COBLL1: variants seen among roughly 807,000 people sequenced by gnomAD.
COBLL1 encodes the protein cordon-bleu protein-like 1.
A neutral mutation model predicts 94.8 loss-of-function variants in COBLL1; 50 were observed. The observed-to-expected ratio is 0.53, with a 90% confidence interval of 0.42 to 0.67. The LOEUF is 0.67. Ranked by LOEUF, COBLL1 falls within the 30% of genes least tolerant of loss-of-function variation. The pLI, the probability that COBLL1 is intolerant of heterozygous loss-of-function variation, is 0.00. For synonymous variants in COBLL1, 448 were observed against 473.8 expected, an observed-to-expected ratio of 0.95 and a Z score of 0.71; for missense variants, 1,362 against 1,348.7, an observed-to-expected ratio of 1.01 and a Z score of -0.15.
At chr2:164,815,657 T>C (rs1467600348) in intron 2 of COBLL1, among the ~76,000 whole-genome samples, 1 of 152,132 alleles carries the variant, frequency 6.6e-6, no homozygotes, top group Non-Finnish European at 1.5e-5. Context: ...ATTAAGAATA[T>C]CAATAAATCA....
chr2:164,755,395 C>T (rs2105598883), intron 2 of COBLL1, among the ~76,000 whole-genome samples: 1 of 152,238 alleles, frequency 6.6e-6, no homozygotes, highest in African/African-American at 2.4e-5. Flanking sequence ...TTGATTAGTA[C>T]ATTACCTTCT....
At chr2:164,836,339 C>A (rs1204932234) in intron 2 of COBLL1, among the ~76,000 whole-genome samples, 1 of 152,070 alleles carries the variant, frequency 6.6e-6, no homozygotes, top group African/African-American at 2.4e-5. Context: ...AAATGCTAGA[C>A]ATTTTATATG....
Position 164,722,266 on chromosome 2 carries a change from T to C in COBLL1, c.805A>G (p.Thr269Ala). The change falls in exon 7 of 14, where the codon ACT becomes GCT. Residue 269 changes from threonine to alanine, a missense_variant. Thr to Ala is a moderately conservative substitution (Grantham distance 58, BLOSUM62 0). Coordinates refer to ENST00000652658, the MANE Select transcript of COBLL1 (RefSeq NM_001365672.2). Reference protein sequence around the residue: ...ATPLVNKHRPTFTRSNTISKP... With the variant: ...ATPLVNKHRPAFTRSNTISKP... ...GAAATGGTATTGGACCTTGTAAAAG[T>C]TGGGCGGTGCTTATTTACTAGAGGG... 3 of 1,614,026 alleles carry C rather than the reference T, an allele frequency of 1.9e-6. No individual in the cohort carries two copies. The highest frequency in any genetic ancestry group is 1.7e-4 in the Middle Eastern group (1 of 6,060).
chr2:164,713,355 G>A (rs867959106), intron 7 of COBLL1, among the ~76,000 whole-genome samples: 1 of 151,480 alleles, frequency 6.6e-6, no homozygotes, highest in African/African-American at 2.4e-5. Flanking sequence ...GCAGTACCAG[G>A]GCCTGGAGCT....
intron 2 of COBLL1, among the ~76,000 whole-genome samples, chr2:164,789,020 AACACACACACAC>A (rs56773751): frequency 0.3 from 42,375 of 141,534 alleles, 7,396 homozygotes; most frequent in African/African-American, 0.49. Context: ...TAGAGGTTTA[AACACACACACAC>A]ACACACACAC....
chr2:164,737,699 G>C (rs1686380984), intron 3 of COBLL1, among the ~76,000 whole-genome samples: 1 of 152,034 alleles, frequency 6.6e-6, no homozygotes, highest in Non-Finnish European at 1.5e-5. Flanking sequence ...AATTTTTCTA[G>C]ATCCATACTG....
At chr2:164,712,447 C>A (rs3820982) in intron 7 of COBLL1, among the ~76,000 whole-genome samples, 95,746 of 151,868 alleles carry the variant, frequency 0.63, 31,580 homozygotes, top group African/African-American at 0.84. Flanking sequence ...TTTCAAGGGA[C>A]AGACTCACAT....
At chr2:164,710,001 T>C (rs1684801270) in intron 7 of COBLL1, among the ~76,000 whole-genome samples, 1 of 152,130 alleles carries the variant, frequency 6.6e-6, no homozygotes, top group Admixed American at 6.5e-5. Flanking sequence ...ATATGAGTAA[T>C]ATTCATATTA....
chr2:164,733,886 T>A (rs1051710296), intron 3 of COBLL1, among the ~76,000 whole-genome samples: 9 of 152,276 alleles, frequency 5.9e-5, no homozygotes, highest in African/African-American at 2.2e-4. Context: ...TTATTCAAAT[T>A]AATTTAAATT....
downstream of COBLL1, among the ~76,000 whole-genome samples, chr2:164,676,636 T>G (rs1421760671): frequency 6.6e-6 from 1 of 152,136 alleles, no homozygotes; most frequent in Non-Finnish European, 1.5e-5. Context: ...TCATTTTGCC[T>G]TCTGTATTTC....
intron 2 of COBLL1, among the ~76,000 whole-genome samples, chr2:164,782,008 G>C (rs1368941925): frequency 6.6e-6 from 1 of 151,814 alleles, no homozygotes; most frequent in Non-Finnish European, 1.5e-5. Flanking sequence ...CTCAGAGAAG[G>C]CTATCCAGTT....
intron 2 of COBLL1, among the ~76,000 whole-genome samples, chr2:164,820,099 GC>G (rs1264474460): frequency 8.5e-4 from 118 of 138,300 alleles, no homozygotes; most frequent in Non-Finnish European, 1.7e-4. Context: ...CTCCCAAAGT[GC>G]TGGGATTACA....
intron 1 of COBLL1, among the ~76,000 whole-genome samples, chr2:164,670,702 C>T (rs1404883310): frequency 6.6e-6 from 1 of 152,102 alleles, no homozygotes; most frequent in Non-Finnish European, 1.5e-5. Context: ...TGCCTTTGCC[C>T]CTGATGTCCC....
chr2:164,833,004 T>C (rs898792444), intron 2 of COBLL1, among the ~76,000 whole-genome samples: 3 of 151,344 alleles, frequency 2.0e-5, no homozygotes, highest in South Asian at 2.1e-4. Context: ...GATAGCGCCA[T>C]TGCACTCCAG....
At position 164,792,107 on chromosome 2, in the gene COBLL1, CTTTA is replaced by C. The variant is rs538001731; in HGVS notation, c.42-48236_42-48233del. Among the ~76,000 whole-genome samples the C allele has an allele frequency of 1.4e-3, 216 of 151,398 alleles. 1 individual carries two copies. Among genetic ancestry groups the C allele is most frequent in the African/African-American group, 5.0e-3 (205 of 41,264 alleles). Reference sequence around the variant, plus strand: ...TTGGCTGTTTTTCTTTCTTTCTATTCTTTATTTATTTATTTATTTATTACTATTA... The same window carrying C: ...TTGGCTGTTTTTCTTTCTTTCTATTCTTTATTTATTTATTTATTACTATTA... On this transcript the variant is annotated intron_variant, in intron 2 of 13. Transcript: ENST00000652658.
At chr2:164,721,960 A>G (rs1022233866) in intron 7 of COBLL1, 115 bp downstream of exon 7, 9 of 703,248 alleles carry the variant, frequency 1.3e-5, no homozygotes, top group African/African-American at 1.1e-4. Context: ...ACTAATTACC[A>G]ACTGTTATAG....
intron 2 of COBLL1, among the ~76,000 whole-genome samples, chr2:164,787,058 G>A (rs541083476): frequency 6.6e-6 from 1 of 152,178 alleles, no homozygotes; most frequent in South Asian, 2.1e-4. Flanking sequence ...CACCATCCAT[G>A]TCTATCACTT....
intron 1 of COBLL1, among the ~76,000 whole-genome samples, chr2:164,668,191 G>A (rs941339801): frequency 1.1e-4 from 17 of 151,828 alleles, no homozygotes; most frequent in African/African-American, 1.7e-4. Flanking sequence ...CATGAACTCC[G>A]GACCTCAGGT....
intron 2 of COBLL1, among the ~76,000 whole-genome samples, chr2:164,745,398 T>C (rs1426038654): frequency 6.6e-6 from 1 of 152,222 alleles, no homozygotes; most frequent in African/African-American, 2.4e-5. Context: ...TGAAAATCCC[T>C]GTAAAGAAGA....
Sources: gnomAD v4.1 joint callset for allele counts (sites outside exome capture counted in the v4.1 genomes callset) on GRCh38, gnomAD v4.1.1 for gene constraint, MANE v1.5 for transcripts, NCBI Gene and HGNC (gene_info 2026-07-23, HGNC 2026-07-21) for gene names.